The following DHRS7B variants were observed in gnomAD, a reference collection of about 807,000 sequenced individuals.
The protein encoded by DHRS7B is peroxisomal reductase activating PPAR-gamma.
In DHRS7B, 24 loss-of-function variants were observed where a neutral mutation model predicts 26.4. That is an observed-to-expected ratio of 0.91 (90% CI 0.66 to 1.28). The LOEUF is 1.28. DHRS7B is among the 50% of genes most tolerant of loss of function. The probability of loss-of-function intolerance (pLI) is 0.00; values close to 1 mark genes in which losing one functional copy is unlikely to be tolerated. For synonymous variants in DHRS7B, 142 were observed against 166.4 expected (o/e 0.85, Z 1.13); for missense variants, 368 against 419.4 (o/e 0.88, Z 1.07).
At chr17:21,168,655 C>T (rs1974167395) in intron 1 of DHRS7B, 10 of 924,236 alleles carry the variant, frequency 1.1e-5, no homozygotes, top group Non-Finnish European at 1.2e-5. Context: ...AGGCGCGAGG[C>T]ACTGCGTTTG....
At chr17:21,142,953 G>T (rs1008904619) in intron 1 of DHRS7B, among the ~76,000 whole-genome samples, 2 of 152,172 alleles carry the variant, frequency 1.3e-5, no homozygotes, top group African/African-American at 4.8e-5. Flanking sequence ...TTTTGAGGTG[G>T]CGTCTTGCTA....
At chr17:21,188,631 G>A in intron 5 of DHRS7B, 80 bp from the exon 6 acceptor site, 1 of 1,423,048 alleles carries the variant, frequency 7.0e-7, no homozygotes, top group South Asian at 1.4e-5. Flanking sequence ...CAGAGAGCGT[G>A]AATGGTAGTG....
chr17:21,137,959 C>T (rs1973385621), intron 1 of DHRS7B, among the ~76,000 whole-genome samples: 1 of 150,836 alleles, frequency 6.6e-6, no homozygotes, highest in African/African-American at 2.4e-5. Flanking sequence ...GTCTCGATCT[C>T]CCGACCTCGT....
At chr17:21,142,851 G>A (rs970740118) in intron 1 of DHRS7B, among the ~76,000 whole-genome samples, 2 of 152,218 alleles carry the variant, frequency 1.3e-5, no homozygotes, top group Admixed American at 6.5e-5. Context: ...AGGTAGATTT[G>A]TCTTGAGCAG....
intron 1 of DHRS7B, among the ~76,000 whole-genome samples, chr17:21,156,387 C>T (rs1259117855): frequency 6.6e-6 from 1 of 151,954 alleles, no homozygotes; most frequent in Non-Finnish European, 1.5e-5. Flanking sequence ...AGGTGGATTA[C>T]CTAAGATCAG....
Position 21,191,326 on chromosome 17 carries a change from C to T in DHRS7B, c.*173C>T, listed in dbSNP as rs1010312469. ...GGCAGAGGACAATCAAAAACGACAA[C>T]AAGCTTCTTCCCAGGGTGAGGGGAA... On this transcript the variant is annotated 3_prime_UTR_variant, in exon 7 of 7. Coordinates refer to ENST00000395511, the MANE Select transcript of DHRS7B (RefSeq NM_015510.5). 9.2e-6 allele frequency: 6 copies of T among 654,808 alleles called. No individual in the cohort carries two copies. The highest frequency in any genetic ancestry group is 9.1e-5 in the African/African-American group (5 of 54,806). The allele number at this position is 654,808 out of a possible 1,614,324, so 40.6% of individuals were successfully genotyped here. A position where few individuals can be genotyped will look rare whatever the true frequency, so the allele number is the denominator to read the frequency against.
chr17:21,165,263 G>A (rs559387321), intron 1 of DHRS7B, among the ~76,000 whole-genome samples: 9 of 152,074 alleles, frequency 5.9e-5, no homozygotes, highest in Non-Finnish European at 1.3e-4. Context: ...GGGTGGGTGC[G>A]GGGGGCCTGG....
rs114355045 is a variant in DHRS7B at position 21,173,111 on chromosome 17, G to A, written c.199+915G>A. On this transcript the variant is annotated intron_variant, in intron 2 of 6. Transcript: ENST00000395511. Reference sequence around the variant, plus strand: ...TGCTAAAGTGGGAGGCTCTGGGTCAGGTTCTAGAACAAACAGATGAAAGAC... The same window carrying A: ...TGCTAAAGTGGGAGGCTCTGGGTCAAGTTCTAGAACAAACAGATGAAAGAC... Among the ~76,000 whole-genome samples the A allele has an allele frequency of 5.3e-5, 8 of 152,228 alleles. No homozygotes were observed. The East Asian group carries it at 1.5e-3, about 29-fold the overall frequency.
At position 21,187,829 on chromosome 17, in the gene DHRS7B, T is replaced by TTTTA. The variant is rs147783016; in HGVS notation, c.620-850_620-847dup. Among the ~76,000 whole-genome samples the TTTTA allele has an allele frequency of 4.3e-3, 624 of 145,786 alleles. 3 individuals are homozygous for TTTTA. The highest frequency in any genetic ancestry group is 0.012 in the African/African-American group (464 of 39,582). ...TCATTCAGTTTTTTTTGTTTTTAAC[T>TTTTA]TTTATTTATTTATTTATTTATTTAT... On this transcript the variant is annotated intron_variant, in intron 5 of 6. Coordinates refer to ENST00000395511, the MANE Select transcript of DHRS7B (RefSeq NM_015510.5).
chr17:21,188,656 A>G (rs1597761341), intron 5 of DHRS7B, 55 bp from the exon 6 acceptor site: 2 of 1,510,434 alleles, frequency 1.3e-6, no homozygotes, highest in Middle Eastern at 2.2e-4. Flanking sequence ...GTTGGGCACC[A>G]GGCCATGCCC....
chr17:21,141,025 C>G (rs1371735778), intron 1 of DHRS7B, among the ~76,000 whole-genome samples: 3 of 152,110 alleles, frequency 2.0e-5, no homozygotes, highest in Non-Finnish European at 4.4e-5. Context: ...TTTTACATGT[C>G]TCAGTTTCTC....
chr17:21,142,715 GC>G (rs1414132795), intron 1 of DHRS7B, among the ~76,000 whole-genome samples: 25 of 151,976 alleles, frequency 1.6e-4, no homozygotes, highest in African/African-American at 6.0e-4. Context: ...TACCCTGGGG[GC>G]TTCCAGGTCA....
chr17:21,149,220 A>G (rs1372874238), intron 1 of DHRS7B, among the ~76,000 whole-genome samples: 1 of 149,212 alleles, frequency 6.7e-6, no homozygotes, highest in Non-Finnish European at 1.5e-5. Flanking sequence ...GTGCTGAAAG[A>G]AAAAAAAAAC....
At chr17:21,172,833 G>T (rs1974290771) in intron 2 of DHRS7B, among the ~76,000 whole-genome samples, 1 of 152,234 alleles carries the variant, frequency 6.6e-6, no homozygotes, top group Non-Finnish European at 1.5e-5. Flanking sequence ...CCGGGACCCT[G>T]GCCTGGAGTG....
chr17:21,140,022 CTTT>C (rs201900387), intron 1 of DHRS7B, among the ~76,000 whole-genome samples: 13 of 106,692 alleles, frequency 1.2e-4, no homozygotes, highest in East Asian at 1.1e-3. Flanking sequence ...CTTTCAGATT[CTTT>C]TTTTTTTTTT....
chr17:21,162,039 A>G (rs1465211039), intron 1 of DHRS7B, among the ~76,000 whole-genome samples: 1 of 151,750 alleles, frequency 6.6e-6, no homozygotes, highest in East Asian at 1.9e-4. Context: ...CTTGGAATTC[A>G]GGGTGAGCCA....
At chr17:21,190,166 TAA>T (rs77523069) in intron 6 of DHRS7B, among the ~76,000 whole-genome samples, 20 of 142,112 alleles carry the variant, frequency 1.4e-4, no homozygotes, top group Non-Finnish European at 1.1e-4. Flanking sequence ...ACCCTGTCTT[TAA>T]AAAAAAAAAA....
At chr17:21,149,583 A>T (rs7211441) in intron 1 of DHRS7B, among the ~76,000 whole-genome samples, 2,965 of 152,324 alleles carry the variant, frequency 0.019, 112 homozygotes, top group African/African-American at 0.068. Context: ...ATATAAAATT[A>T]TGTAAATTAA....
At chr17:21,161,327 G>A (rs149132460) in intron 1 of DHRS7B, among the ~76,000 whole-genome samples, 2 of 152,102 alleles carry the variant, frequency 1.3e-5, no homozygotes, top group African/African-American at 2.4e-5. Context: ...TCTACTTTCC[G>A]CTCAGTTTTC....
Sources: allele counts gnomAD v4.1 joint callset (sites outside exome capture counted in the v4.1 genomes callset), GRCh38; gene constraint gnomAD v4.1.1; transcripts MANE v1.5; gene names NCBI Gene and HGNC (gene_info 2026-07-23, HGNC 2026-07-21).